Variants in PTPRD observed in about 807,000 individuals in gnomAD.
The protein encoded by PTPRD is protein tyrosine phosphatase receptor type D.
A neutral mutation model predicts 214.5 loss-of-function variants in PTPRD; 34 were observed. The observed-to-expected ratio is 0.16, with a 90% CI of 0.12 to 0.21. The LOEUF is 0.21. Among genes scored for constraint, PTPRD ranks in the 10% least tolerant of loss-of-function variants. The pLI is 1.00. For missense variants in PTPRD, 2,545 were observed against 2,398.7 expected, an observed-to-expected ratio of 1.06 and a Z score of -1.27; for synonymous variants, 1,128 against 845.7, an observed-to-expected ratio of 1.33 and a Z score of -5.79.
intron 12 of PTPRD, chr9:8,713,472 G>A (rs2098389548): frequency 2.7e-6 from 3 of 1,124,354 alleles, no homozygotes; most frequent in Middle Eastern, 2.3e-4. Context: ...TAAAGAAAAT[G>A]AAGAAGTCTT....
chr9:9,898,385 T>G (rs1027929145), intron 5 of PTPRD, among the ~76,000 whole-genome samples: 1 of 152,202 alleles, frequency 6.6e-6, no homozygotes, highest in Admixed American at 6.6e-5. Flanking sequence ...TTGATATTAC[T>G]TGATTATCAA....
At position 8,821,052 on chromosome 9, in the gene PTPRD, T is replaced by C. The variant is rs963529959; in HGVS notation, c.-103-87106A>G. On this transcript the variant is annotated intron_variant, in intron 11 of 45. Transcript: ENST00000381196. ...TCCCTTTCCCAGCTAGGGTTGGCTA[T>C]AGACCAGCATCAGAAAATAAGTGAA... Among the ~76,000 whole-genome samples, 14 of 152,204 alleles carry C rather than the reference T, an allele frequency of 9.2e-5. 1 individual carries two copies. Among genetic ancestry groups the C allele is most frequent in the Admixed American group, 7.9e-4 (12 of 15,268 alleles).
intron 11 of PTPRD, among the ~76,000 whole-genome samples, chr9:8,934,219 G>C (rs2098973175): frequency 6.6e-6 from 1 of 150,810 alleles, no homozygotes. Context: ...GATAGGAAGT[G>C]ATTTGGTACC....
intron 2 of PTPRD, among the ~76,000 whole-genome samples, chr9:10,460,381 C>T (rs567439576): frequency 1.3e-5 from 2 of 151,268 alleles, no homozygotes; most frequent in South Asian, 4.2e-4. Context: ...TAAAAAAACC[C>T]TAAAATTTGT....
At chr9:10,299,564 C>T (rs558717888) in intron 3 of PTPRD, among the ~76,000 whole-genome samples, 1 of 152,158 alleles carries the variant, frequency 6.6e-6, no homozygotes, top group Non-Finnish European at 1.5e-5. Context: ...AGAATACTCA[C>T]TTCCTGAAGG....
chr9:8,461,822 AT>A (rs142633638), intron 32 of PTPRD, among the ~76,000 whole-genome samples: 1,900 of 151,642 alleles, frequency 0.013, 26 homozygotes, highest in African/African-American at 0.038. Context: ...TTTTAAAAAA[AT>A]TTTTTTTATA....
At chr9:8,853,695 G>A (rs2097860197) in intron 11 of PTPRD, among the ~76,000 whole-genome samples, 1 of 152,114 alleles carries the variant, frequency 6.6e-6, no homozygotes, top group South Asian at 2.1e-4. Flanking sequence ...TGTTACATAG[G>A]AATTCTCAAT....
At chr9:9,228,190 C>A (rs977116847) in intron 9 of PTPRD, among the ~76,000 whole-genome samples, 4 of 152,032 alleles carry the variant, frequency 2.6e-5, no homozygotes, top group East Asian at 1.9e-4. Context: ...ACTCTTATAA[C>A]CCCTGTGCTT....
chr9:8,700,541 A>T (rs2098053131), intron 12 of PTPRD: 1 of 152,224 alleles, frequency 6.6e-6, no homozygotes, highest in Non-Finnish European at 1.5e-5. Context: ...GAGTGAGAAA[A>T]ATAATACGTT....
intron 3 of PTPRD, among the ~76,000 whole-genome samples, chr9:10,087,551 G>C (rs1344265991): frequency 6.6e-6 from 1 of 151,598 alleles, no homozygotes; most frequent in Non-Finnish European, 1.5e-5. Flanking sequence ...AGTGGGACCA[G>C]GAAGAAATCT....
At chr9:8,805,725 G>A (rs981162845) in intron 11 of PTPRD, among the ~76,000 whole-genome samples, 1 of 151,436 alleles carries the variant, frequency 6.6e-6, no homozygotes, top group African/African-American at 2.4e-5. Flanking sequence ...GCTGGGCACG[G>A]TGGGTCACAC....
In PTPRD at chr9:10,141,836, A is replaced by G. The variant is rs559756777; in HGVS notation, c.-544-108046T>C. ...AGAACAAAGCTGGAGGCATCACACT[A>G]CCTGACTTCAAACTATGCTACAAGG... On this transcript the variant is annotated intron_variant, in intron 3 of 45. Coordinates refer to ENST00000381196, the MANE Select transcript of PTPRD (RefSeq NM_002839.4). Among the ~76,000 whole-genome samples, 13 of 152,256 alleles carry G rather than the reference A, an allele frequency of 8.5e-5. 1 individual carries two copies. The South Asian group carries it at 2.7e-3, about 32-fold the overall frequency.
At chr9:10,368,729 T>C (rs576425124) in intron 2 of PTPRD, among the ~76,000 whole-genome samples, 1 of 152,184 alleles carries the variant, frequency 6.6e-6, no homozygotes, top group African/African-American at 2.4e-5. Flanking sequence ...TTCTTAAACA[T>C]ATGATGATGT....
chr9:8,529,925 T>C lies in PTPRD; in HGVS notation c.353-1146A>G, dbSNP rs887996190. On this transcript the variant is annotated intron_variant, in intron 14 of 45. Transcript: ENST00000381196. The stretch of plus-strand genomic sequence containing the variant: ...GATCATGAAATATTTTTACTTCCAA[T>C]TGAGTCTGGCATTGATTTAATCAAT... Among the ~76,000 whole-genome samples the C allele has an allele frequency of 4.6e-5, 7 of 152,292 alleles. No homozygotes were observed. In the South Asian group the frequency reaches 6.2e-4, roughly 14 times the overall value.
chr9:10,480,650 A>C (rs1444908484), intron 2 of PTPRD, among the ~76,000 whole-genome samples: 1 of 152,118 alleles, frequency 6.6e-6, no homozygotes, highest in Non-Finnish European at 1.5e-5. Flanking sequence ...TACAATATTA[A>C]ATAAAAACAA....
At chr9:9,702,393 G>A (rs1356618287) in intron 7 of PTPRD, among the ~76,000 whole-genome samples, 2 of 152,190 alleles carry the variant, frequency 1.3e-5, no homozygotes, top group Non-Finnish European at 2.9e-5. Flanking sequence ...AAGAAGCATA[G>A]TTTCACAGTG....
chr9:10,230,448 C>CTATGTATCTATCTATCTATG (rs1393100039), intron 3 of PTPRD, among the ~76,000 whole-genome samples: 2 of 150,678 alleles, frequency 1.3e-5, no homozygotes, highest in East Asian at 3.9e-4. Context: ...ATCTATCTAT[C>CTATGTATCTATCTATCTATG]TATCTATCTA....
chr9:9,833,480 G>A (rs572697947), intron 5 of PTPRD, among the ~76,000 whole-genome samples: 17 of 150,550 alleles, frequency 1.1e-4, no homozygotes, highest in South Asian at 4.2e-4. Flanking sequence ...GGACCGAGGC[G>A]AAATTAAAAT....
chr9:9,933,286 T>C (rs1229047580), intron 5 of PTPRD, among the ~76,000 whole-genome samples: 1 of 152,178 alleles, frequency 6.6e-6, no homozygotes, highest in Non-Finnish European at 1.5e-5. Flanking sequence ...GACTGGCAAA[T>C]TGGATAAAGA....
Sources: gnomAD v4.1 joint callset for allele counts (sites outside exome capture counted in the v4.1 genomes callset) on GRCh38, gnomAD v4.1.1 for gene constraint, MANE v1.5 for transcripts, NCBI Gene and HGNC (gene_info 2026-07-23, HGNC 2026-07-21) for gene names.